RTN4RL1: variants seen among roughly 807,000 people sequenced by gnomAD.
The protein encoded by RTN4RL1 is reticulon 4 receptor like 1, also known as reticulon-4 receptor-like 1.
In RTN4RL1, 7 loss-of-function variants were observed where a neutral mutation model predicts 25.6. That is an observed-to-expected ratio of 0.27 (90% CI 0.16 to 0.51). The LOEUF (loss-of-function observed/expected upper bound fraction) is 0.51, where lower values mean the gene tolerates loss of function less well. Ranked by LOEUF, RTN4RL1 falls within the 20% of genes least tolerant of loss-of-function variation. The pLI, the probability that RTN4RL1 is intolerant of heterozygous loss-of-function variation, is 0.97. For missense variants in RTN4RL1, 500 were observed against 615.6 expected (o/e 0.81, Z 1.99); for synonymous variants, 297 against 288.2 (o/e 1.03, Z -0.31).
intron 1 of RTN4RL1, among the ~76,000 whole-genome samples, chr17:1,940,886 C>T (rs1258638813): frequency 6.6e-6 from 1 of 152,220 alleles, no homozygotes; most frequent in African/African-American, 2.4e-5. Context: ...CTTCTCATCC[C>T]ACATCTCAGG....
At chr17:1,962,017 C>G (rs1567510485) in intron 1 of RTN4RL1, among the ~76,000 whole-genome samples, 1 of 150,600 alleles carries the variant, frequency 6.6e-6, no homozygotes, top group Non-Finnish European at 1.5e-5. Context: ...CGTGGTGGCT[C>G]ATGCTTATAA....
At chr17:1,948,611 A>T (rs1465518200) in intron 1 of RTN4RL1, among the ~76,000 whole-genome samples, 1 of 151,946 alleles carries the variant, frequency 6.6e-6, no homozygotes, top group Non-Finnish European at 1.5e-5. Context: ...ACACAGGTGG[A>T]CGGGCGGACG....
At chr17:1,960,899 C>A (rs1446586644) in intron 1 of RTN4RL1, among the ~76,000 whole-genome samples, 1 of 152,136 alleles carries the variant, frequency 6.6e-6, no homozygotes, top group Non-Finnish European at 1.5e-5. Context: ...TTTGTCTTGG[C>A]TCAAAAGTCA....
Position 1,936,397 on chromosome 17 carries a change from C to A in RTN4RL1, c.*99G>T. 6.9e-7 allele frequency: 1 copy of A among 1,453,688 alleles called. No individual in the cohort carries two copies. Among genetic ancestry groups the A allele is most frequent in the Non-Finnish European group, 9.0e-7 (1 of 1,109,694 alleles). The allele number at this position is 1,453,688 out of a possible 1,614,324, so 90.0% of individuals were successfully genotyped here. A position where few individuals can be genotyped will look rare whatever the true frequency, so the allele number is the denominator to read the frequency against. On this transcript the variant is annotated 3_prime_UTR_variant, in exon 2 of 2. Transcript: ENST00000331238. ...AGCCGAAGGCTCTACCAGCCTTTTC[C>A]TGAAACCCAGCAGATCTTCCACTTG...
intron 1 of RTN4RL1, among the ~76,000 whole-genome samples, chr17:2,006,706 C>T (rs1035591678): frequency 3.9e-5 from 6 of 152,232 alleles, no homozygotes; most frequent in Non-Finnish European, 8.8e-5. Context: ...CTGCAACTTC[C>T]GCCTCCCGGC....
At chr17:1,966,435 T>G (rs1597499546) in intron 1 of RTN4RL1, among the ~76,000 whole-genome samples, 1 of 151,498 alleles carries the variant, frequency 6.6e-6, no homozygotes, top group South Asian at 2.1e-4. Flanking sequence ...AGGGAGGGGG[T>G]GTAGGAAAAG....
chr17:1,936,756 A>G lies in RTN4RL1; in HGVS notation c.1066T>C (p.Cys356Arg). The G allele has an allele frequency of 6.3e-7, 1 of 1,595,962 alleles. No individual in the cohort carries two copies. The highest frequency in any genetic ancestry group is 8.5e-7 in the Non-Finnish European group (1 of 1,172,722). ...RPGHRKPGKN[C>R]TNPRNRNQIS... ...TGATTGCGGTTCCTGGGGTTGGTGC[A>G]GTTCTTCCCCGGCTTCCTGTGGCCG... is the stretch of plus-strand genomic sequence containing the variant. The change falls in exon 2 of 2, where the codon TGC (cysteine) becomes CGC (arginine). Residue 356 changes from cysteine to arginine, a missense_variant. Coordinates refer to ENST00000331238, the MANE Select transcript of RTN4RL1 (RefSeq NM_178568.4).
intron 1 of RTN4RL1, among the ~76,000 whole-genome samples, chr17:2,004,367 CAAAAAAAAAA>C (rs58690992): frequency 8.2e-5 from 3 of 36,568 alleles, no homozygotes; most frequent in Admixed American, 2.6e-4. Flanking sequence ...GACTCTGTCT[CAAAAAAAAAA>C]AAAAAAAAAA....
chr17:1,996,410 C>A (rs2066929717), intron 1 of RTN4RL1, among the ~76,000 whole-genome samples: 1 of 145,124 alleles, frequency 6.9e-6, no homozygotes, highest in African/African-American at 2.5e-5. Context: ...GCCCAAGGTC[C>A]CCCTGCAGAG....
At chr17:1,948,714 A>G (rs890180398) in intron 1 of RTN4RL1, among the ~76,000 whole-genome samples, 9 of 151,756 alleles carry the variant, frequency 5.9e-5, no homozygotes, top group African/African-American at 1.9e-4. Context: ...CCTCGGTGGC[A>G]AATGTCTGTT....
intron 1 of RTN4RL1, among the ~76,000 whole-genome samples, chr17:1,987,123 G>C (rs540880314): frequency 6.6e-6 from 1 of 152,072 alleles, no homozygotes; most frequent in African/African-American, 2.4e-5. Context: ...AGGGAGTTTG[G>C]GCCACCCATG....
chr17:2,021,014 C>T (rs1289009739), intron 1 of RTN4RL1, among the ~76,000 whole-genome samples: 1 of 152,144 alleles, frequency 6.6e-6, no homozygotes, highest in Non-Finnish European at 1.5e-5. Context: ...TTTTAATATC[C>T]CTGGTTTTGC....
intron 1 of RTN4RL1, among the ~76,000 whole-genome samples, chr17:1,965,980 C>G (rs1227692699): frequency 6.6e-6 from 1 of 152,092 alleles, no homozygotes. Context: ...CTGCTTCCAG[C>G]TCAAGAACAG....
chr17:1,991,020 C>T (rs538703326), intron 1 of RTN4RL1, among the ~76,000 whole-genome samples: 168 of 152,294 alleles, frequency 1.1e-3, no homozygotes, highest in Non-Finnish European at 1.9e-3. Context: ...AGAGCACCAA[C>T]CCATGTGCAA....
chr17:1,979,536 G>T (rs1567515525), intron 1 of RTN4RL1, among the ~76,000 whole-genome samples: 1 of 152,106 alleles, frequency 6.6e-6, no homozygotes, highest in Admixed American at 6.6e-5. Flanking sequence ...GGGGGGTGTG[G>T]GTTGGGAGTA....
rs1205260641 is a variant in RTN4RL1 at position 1,999,328 on chromosome 17, C to T, written c.13+25525G>A. 2.6e-5 allele frequency among the ~76,000 whole-genome samples: 4 copies of T among 152,178 alleles called. No homozygotes were observed. In the East Asian group the frequency reaches 7.8e-4, roughly 30 times the overall value. ...GGGCGTGGTGGCGCGCGCCTGTGAT[C>T]CCAGCTACTCGGGAGGCTGAGGCAG... On this transcript the variant is annotated intron_variant, in intron 1 of 1. Transcript: ENST00000331238.
chr17:2,013,389 C>G (rs184825571), intron 1 of RTN4RL1, among the ~76,000 whole-genome samples: 8 of 152,346 alleles, frequency 5.3e-5, no homozygotes, highest in Middle Eastern at 6.8e-3. Flanking sequence ...TTTCGGCACA[C>G]CAGCCTGACT....
In RTN4RL1 at chr17:1,935,709, G is replaced by GTA. The variant is rs1331113473; in HGVS notation, c.*786_*787insTA. The stretch of plus-strand genomic sequence containing the variant: ...GGAGTGGGAGGGGGACTGTGCATTT[G>GTA]TGTATATATATATATATATATATAT... On this transcript the variant is annotated 3_prime_UTR_variant, in exon 2 of 2. Transcript: ENST00000331238. 19 of 199,206 alleles carry GTA rather than the reference G, an allele frequency of 9.5e-5. No individual in the cohort carries two copies. The highest frequency in any genetic ancestry group is 6.2e-4 in the African/African-American group (17 of 27,214). 12.3% of individuals were successfully genotyped at this position (199,206 alleles called of 1,614,324 possible). A position where few individuals can be genotyped will look rare whatever the true frequency, so the allele number is the denominator to read the frequency against.
In RTN4RL1 at chr17:1,935,711, GTA is replaced by G. The variant is rs58785478; in HGVS notation, c.*783_*784del. 7,034 of 158,978 alleles carry G rather than the reference GTA, an allele frequency of 0.044. 243 individuals carry two copies. Among genetic ancestry groups the G allele is most frequent in the African/African-American group, 0.079 (1,656 of 20,892 alleles). The allele number at this position is 158,978 out of a possible 1,614,324, so 9.8% of individuals were successfully genotyped here. A position where few individuals can be genotyped will look rare whatever the true frequency, so the allele number is the denominator to read the frequency against. On this transcript the variant is annotated 3_prime_UTR_variant, in exon 2 of 2. Coordinates refer to ENST00000331238, the MANE Select transcript of RTN4RL1 (RefSeq NM_178568.4). ...AGTGGGAGGGGGACTGTGCATTTGTGTATATATATATATATATATATATATAT... is the reference window on the plus strand; with the variant it reads ...AGTGGGAGGGGGACTGTGCATTTGTGTATATATATATATATATATATATAT...
Sources: allele counts gnomAD v4.1 joint callset (sites outside exome capture counted in the v4.1 genomes callset), GRCh38; gene constraint gnomAD v4.1.1; transcripts MANE v1.5; gene names NCBI Gene and HGNC (gene_info 2026-07-23, HGNC 2026-07-21).